CLIC6: variants seen among roughly 807,000 people sequenced by gnomAD.
CLIC6 encodes CLIC family member 6, also known as chloride intracellular channel protein 6.
Under a neutral mutation model 49.2 loss-of-function variants are expected in CLIC6, and 39 were observed. The ratio of observed to expected loss-of-function variants is 0.79; its 90% CI spans 0.61 to 1.04. The LOEUF (loss-of-function observed/expected upper bound fraction) is 1.04, where lower values mean the gene tolerates loss of function less well. Ranked by LOEUF, CLIC6 falls within the 50% of genes least tolerant of loss-of-function variation. The probability of loss-of-function intolerance (pLI) is 0.00; values close to 1 mark genes in which losing one functional copy is unlikely to be tolerated. For synonymous variants in CLIC6, 446 were observed against 433.4 expected, an observed-to-expected ratio of 1.03 and a Z score of -0.36; for missense variants, 988 against 993.1, an observed-to-expected ratio of 0.99 and a Z score of 0.07.
At chr21:34,714,063 C>T (rs142468059) in intron 5 of CLIC6, among the ~76,000 whole-genome samples, 2 of 152,284 alleles carry the variant, frequency 1.3e-5, no homozygotes, top group African/African-American at 4.8e-5. Flanking sequence ...TAGGCAATTA[C>T]CGTTTTGACC....
intron 5 of CLIC6, 50 bp from the exon 6 acceptor site, chr21:34,716,271 C>G (rs1176642637): frequency 6.6e-7 from 1 of 1,509,384 alleles, no homozygotes; most frequent in Non-Finnish European, 9.1e-7. Context: ...GACTTGGGAG[C>G]CTACCTTAGC....
intron 5 of CLIC6, among the ~76,000 whole-genome samples, chr21:34,711,094 G>A (rs1355600440): frequency 6.6e-6 from 1 of 152,188 alleles, no homozygotes; most frequent in African/African-American, 2.4e-5. Context: ...GCCCATGCCT[G>A]GCTCTGGGGC....
At chr21:34,706,738 G>A (rs1180152733) in intron 1 of CLIC6, among the ~76,000 whole-genome samples, 1 of 152,184 alleles carries the variant, frequency 6.6e-6, no homozygotes, top group Non-Finnish European at 1.5e-5. Flanking sequence ...CCACACTGTT[G>A]CTTGTATAAT....
chr21:34,710,088 C>A (rs979820406), intron 5 of CLIC6, among the ~76,000 whole-genome samples: 35 of 151,282 alleles, frequency 2.3e-4, no homozygotes, highest in African/African-American at 8.5e-4. Flanking sequence ...GCCAGGGCAA[C>A]ATAGCGAGAC....
At chr21:34,690,866 A>G (rs1989980190) in intron 1 of CLIC6, among the ~76,000 whole-genome samples, 1 of 151,052 alleles carries the variant, frequency 6.6e-6, no homozygotes, top group South Asian at 2.1e-4. Flanking sequence ...CATGTCAAAA[A>G]AAAAAAAAAA....
chr21:34,716,099 A>C (rs2056083671), intron 5 of CLIC6, among the ~76,000 whole-genome samples: 1 of 152,196 alleles, frequency 6.6e-6, no homozygotes, highest in African/African-American at 2.4e-5. Flanking sequence ...GGGCAGAACT[A>C]TGTGCAGTCA....
chr21:34,682,801 ATTTT>A (rs1172251761), intron 1 of CLIC6, among the ~76,000 whole-genome samples: 27 of 69,296 alleles, frequency 3.9e-4, no homozygotes, highest in African/African-American at 1.6e-3. Flanking sequence ...CTTTCCCTCC[ATTTT>A]TTTTTTTTTT....
Position 34,689,721 on chromosome 21 carries a change from C to T in CLIC6, c.1375-17559C>T, listed in dbSNP as rs528745547. On this transcript the variant is annotated intron_variant, in intron 1 of 5. Transcript: ENST00000349499. ...GCTGGAATACAAATGCGCCCTGAGA[C>T]GCTGTGCAATGTCAGGCTGGGGCCT... is the stretch of plus-strand genomic sequence containing the variant. Among the ~76,000 whole-genome samples, 18 of 152,092 alleles carry T rather than the reference C, an allele frequency of 1.2e-4. No individual in the cohort carries two copies. In the East Asian group the frequency reaches 1.7e-3, roughly 15 times the overall value.
Position 34,707,979 on chromosome 21 carries a change from C to G in CLIC6, c.1520C>G (p.Thr507Arg), listed in dbSNP as rs560072384. 5.0e-6 allele frequency: 8 copies of G among 1,614,158 alleles called. No homozygotes were observed. In the South Asian group the frequency reaches 7.7e-5, roughly 16 times the overall value. Reference protein sequence around the residue: ...PADLQNLAPGTNPPFMTFDGE... With the variant: ...PADLQNLAPGRNPPFMTFDGE... Reference sequence around the variant, plus strand: ...GACCTGCAGAACCTGGCTCCCGGAACAAACCCTCCTTTCATGACTTTTGAT... The same window carrying G: ...GACCTGCAGAACCTGGCTCCCGGAAGAAACCCTCCTTTCATGACTTTTGAT... Residue 507 changes from threonine (T) to arginine (R), a missense_variant, in exon 3 of 6, where the codon ACA becomes AGA. This residue lies in a region of CLIC6 where 647 missense variants were observed against 596.9 expected (regional missense o/e 1.08). Coordinates refer to ENST00000349499, the MANE Select transcript of CLIC6 (RefSeq NM_053277.3).
At position 34,716,912 on chromosome 21, in the gene CLIC6, A is replaced by G. The variant is rs2145824450; in HGVS notation, c.*430A>G. ...CACACACACACACAATTTCATTCAT[A>G]TATGGTATTGCATTATTTTATTTTA... On this transcript the variant is annotated 3_prime_UTR_variant, in exon 6 of 6. Coordinates refer to ENST00000349499, the MANE Select transcript of CLIC6 (RefSeq NM_053277.3). 6.6e-6 allele frequency: 1 copy of G among 152,288 alleles called. No homozygotes were observed. The highest frequency in any genetic ancestry group is 2.5e-5 in the African/African-American group (1 of 39,540). The allele number at this position is 152,288 out of a possible 1,614,324, so 9.4% of individuals were successfully genotyped here.
intron 1 of CLIC6, among the ~76,000 whole-genome samples, chr21:34,700,243 A>C (rs13048790): frequency 0.21 from 30,228 of 146,356 alleles, 3,525 homozygotes; most frequent in African/African-American, 0.31. Flanking sequence ...GTCAGGAGAT[A>C]GAGACCATCC....
intron 5 of CLIC6, among the ~76,000 whole-genome samples, chr21:34,714,626 T>C (rs2056075589): frequency 6.8e-6 from 1 of 148,106 alleles, no homozygotes; most frequent in South Asian, 2.1e-4. Flanking sequence ...AGGTGGAGGT[T>C]GCAGTGAGCC....
chr21:34,691,555 A>AG, intron 1 of CLIC6, among the ~76,000 whole-genome samples: 1 of 151,798 alleles, frequency 6.6e-6, no homozygotes, highest in East Asian at 1.9e-4. Context: ...TGGCCAGGAA[A>AG]AAAAAAAAGG....
intron 1 of CLIC6, among the ~76,000 whole-genome samples, chr21:34,695,314 T>C (rs991754410): frequency 6.6e-6 from 1 of 152,242 alleles, no homozygotes; most frequent in Admixed American, 6.5e-5. Context: ...AAGGTTCTCA[T>C]TTTCAAGCGC....
intron 1 of CLIC6, among the ~76,000 whole-genome samples, chr21:34,700,446 C>CAAAAA (rs530221942): frequency 2.5e-4 from 16 of 64,816 alleles, no homozygotes; most frequent in East Asian, 1.1e-3. Context: ...GACTCCGTCT[C>CAAAAA]AAAAAAAAAA....
intron 1 of CLIC6, among the ~76,000 whole-genome samples, chr21:34,690,086 C>T (rs13051128): frequency 0.17 from 25,189 of 152,118 alleles, 2,153 homozygotes; most frequent in Non-Finnish European, 0.19. Flanking sequence ...TTGGAGCTTC[C>T]GGCAGGAATG....
chr21:34,686,126 G>A (rs747278821), intron 1 of CLIC6, among the ~76,000 whole-genome samples: 8 of 152,160 alleles, frequency 5.3e-5, no homozygotes, highest in African/African-American at 9.7e-5. Context: ...TGCTTTGGCC[G>A]GGCACGGTGG....
intron 1 of CLIC6, among the ~76,000 whole-genome samples, chr21:34,673,702 A>G (rs1989612229): frequency 6.6e-6 from 1 of 152,232 alleles, no homozygotes; most frequent in African/African-American, 2.4e-5. Flanking sequence ...AAATGAAACA[A>G]AAACAAAAAA....
chr21:34,679,041 AG>A (rs1224354728), intron 1 of CLIC6, among the ~76,000 whole-genome samples: 8 of 152,238 alleles, frequency 5.3e-5, no homozygotes, highest in Non-Finnish European at 8.8e-5. Context: ...ATAGTTTTCC[AG>A]GGTCAGGAAT....
Sources: gnomAD v4.1 joint callset for allele counts (sites outside exome capture counted in the v4.1 genomes callset) on GRCh38, gnomAD v4.1.1 for gene constraint, gnomAD v4.1.1 regional missense constraint, MANE v1.5 for transcripts, NCBI Gene and HGNC (gene_info 2026-07-23, HGNC 2026-07-21) for gene names.